The following GAN variants were observed in gnomAD, a reference collection of about 807,000 sequenced individuals.
The protein encoded by GAN is epididymis secretory sperm binding protein.
In GAN, 48 loss-of-function variants were observed where a neutral mutation model predicts 71.3. That is an observed-to-expected ratio of 0.67 (90% CI 0.53 to 0.86). The LOEUF (loss-of-function observed/expected upper bound fraction) is 0.86. Ranked by LOEUF, GAN falls within the 40% of genes least tolerant of loss-of-function variation. GAN has a pLI of 0.00. For missense variants in GAN, 928 were observed against 770.1 expected (o/e 1.21, Z -2.43); for synonymous variants, 386 against 276.8 (o/e 1.39, Z -3.92).
At chr16:81,337,144 G>A (rs563197603) in intron 1 of GAN, among the ~76,000 whole-genome samples, 1 of 152,142 alleles carries the variant, frequency 6.6e-6, no homozygotes, top group South Asian at 2.1e-4. Context: ...CAGTTGGAGG[G>A]CATCTGTGAA....
At chr16:81,337,889 A>G (rs1453887114) in intron 1 of GAN, among the ~76,000 whole-genome samples, 2 of 152,248 alleles carry the variant, frequency 1.3e-5, no homozygotes, top group Non-Finnish European at 2.9e-5. Flanking sequence ...GAAGTATATT[A>G]TAAATCCTTA....
At chr16:81,339,076 C>G (rs553521004) in intron 1 of GAN, among the ~76,000 whole-genome samples, 2 of 152,168 alleles carry the variant, frequency 1.3e-5, no homozygotes, top group Non-Finnish European at 2.9e-5. Flanking sequence ...AAATATTCAT[C>G]TGGGATTAAT....
chr16:81,332,573 G>A (rs1005107608), intron 1 of GAN, among the ~76,000 whole-genome samples: 3 of 152,294 alleles, frequency 2.0e-5, no homozygotes, highest in African/African-American at 7.2e-5. Context: ...TGCCACCTCT[G>A]TGAAGCCTCC....
rs529612314 is a variant in GAN, at chr16:81,356,020, G to A, written c.634-765G>A. 1.8e-3 allele frequency among the ~76,000 whole-genome samples: 272 copies of A among 152,256 alleles called. 1 individual carries two copies. Among genetic ancestry groups the A allele is most frequent in the Non-Finnish European group, 3.4e-3 (228 of 68,008 alleles). ...CTCCCACTCACCAAGACCACAGTGG[G>A]ACATGCTGCTCCTTGCCAGCTTCCG... On this transcript the variant is annotated intron_variant, in intron 3 of 10. Coordinates refer to ENST00000648994, the MANE Select transcript of GAN (RefSeq NM_022041.4).
chr16:81,342,273 C>G (rs2150678468), intron 1 of GAN, among the ~76,000 whole-genome samples: 1 of 152,268 alleles, frequency 6.6e-6, no homozygotes, highest in South Asian at 2.1e-4. Context: ...CAGCTCTGGA[C>G]CAAGCAGACC....
chr16:81,344,923 C>G (rs892844316), intron 1 of GAN, among the ~76,000 whole-genome samples: 2 of 152,084 alleles, frequency 1.3e-5, no homozygotes, highest in African/African-American at 4.8e-5. Flanking sequence ...GCAAACAACC[C>G]CATCGAAAAA....
intron 1 of GAN, among the ~76,000 whole-genome samples, chr16:81,343,325 T>G (rs1056375980): frequency 2.6e-5 from 4 of 152,134 alleles, no homozygotes; most frequent in African/African-American, 9.7e-5. Context: ...AAAAGAGAAT[T>G]TTAGGCCAAT....
intron 3 of GAN, among the ~76,000 whole-genome samples, chr16:81,356,331 G>T (rs1194908554): frequency 6.6e-6 from 1 of 151,774 alleles, no homozygotes; most frequent in Non-Finnish European, 1.5e-5. Flanking sequence ...TTAAACTTTG[G>T]CTTTTGTATA....
chr16:81,350,683 C>G (rs1251731196), intron 1 of GAN, among the ~76,000 whole-genome samples: 2 of 152,008 alleles, frequency 1.3e-5, no homozygotes, highest in East Asian at 3.9e-4. Flanking sequence ...CACTCCCAGT[C>G]GATGTTTGCA....
At chr16:81,353,362 G>C (rs537612300) in intron 2 of GAN, among the ~76,000 whole-genome samples, 1 of 150,298 alleles carries the variant, frequency 6.7e-6, no homozygotes, top group African/African-American at 2.4e-5. Context: ...TTGTTTTATT[G>C]AAATGCAGTT....
chr16:81,361,597 T>G (rs1401317150), intron 5 of GAN, among the ~76,000 whole-genome samples: 1 of 152,232 alleles, frequency 6.6e-6, no homozygotes, highest in Non-Finnish European at 1.5e-5. Context: ...ATGCCCTCAG[T>G]GTAAAATGGT....
chr16:81,348,086 C>G (rs1910180286), intron 1 of GAN, among the ~76,000 whole-genome samples: 1 of 152,134 alleles, frequency 6.6e-6, no homozygotes, highest in South Asian at 2.1e-4. Flanking sequence ...CACCTGGGCT[C>G]AAGCAGTCCT....
At chr16:81,351,954 C>A (rs896476919) in intron 2 of GAN, among the ~76,000 whole-genome samples, 1 of 152,188 alleles carries the variant, frequency 6.6e-6, no homozygotes, top group East Asian at 1.9e-4. Flanking sequence ...TCCACCTTCT[C>A]ATATGAGATA....
chr16:81,331,808 C>G (rs757077837), intron 1 of GAN, among the ~76,000 whole-genome samples: 15 of 152,220 alleles, frequency 9.9e-5, no homozygotes, highest in Non-Finnish European at 1.8e-4. Flanking sequence ...GCCGTACGCC[C>G]AGACTGGGGT....
intron 3 of GAN, among the ~76,000 whole-genome samples, chr16:81,355,153 G>A (rs955691023): frequency 2.6e-5 from 4 of 152,144 alleles, no homozygotes; most frequent in African/African-American, 7.2e-5. Flanking sequence ...GGGGTGGCAC[G>A]TGGATCGATG....
chr16:81,323,221 GGTTT>G (rs1909275790), intron 1 of GAN, among the ~76,000 whole-genome samples: 1 of 152,098 alleles, frequency 6.6e-6, no homozygotes, highest in African/African-American at 2.4e-5. Flanking sequence ...GTTTTTGGTG[GGTTT>G]GTTTGTTCTC....
chr16:81,335,453 C>CT (rs1300297707), intron 1 of GAN, among the ~76,000 whole-genome samples: 2 of 151,706 alleles, frequency 1.3e-5, no homozygotes, highest in East Asian at 3.9e-4. Flanking sequence ...CCTGTGTCTA[C>CT]TAAAAATACA....
chr16:81,328,480 A>G (rs542143891), intron 1 of GAN, among the ~76,000 whole-genome samples: 1 of 152,216 alleles, frequency 6.6e-6, no homozygotes, highest in African/African-American at 2.4e-5. Context: ...AACAAATCAG[A>G]AAAAGAGTTT....
intron 9 of GAN, among the ~76,000 whole-genome samples, chr16:81,375,568 C>G (rs898979654): frequency 2.0e-5 from 3 of 152,050 alleles, no homozygotes; most frequent in Non-Finnish European, 4.4e-5. Context: ...TCAAGTGATT[C>G]ACCTGCCTCA....
Sources: gnomAD v4.1 joint callset for allele counts (sites outside exome capture counted in the v4.1 genomes callset) on GRCh38, gnomAD v4.1.1 for gene constraint, MANE v1.5 for transcripts, NCBI Gene and HGNC (gene_info 2026-07-23, HGNC 2026-07-21) for gene names.